The following NEK11 variants were observed in gnomAD, a reference collection of about 807,000 sequenced individuals.
NEK11 encodes serine/threonine-protein kinase Nek11.
Under a neutral mutation model 80.7 loss-of-function variants are expected in NEK11, and 72 were observed. The observed-to-expected ratio is 0.89, with a 90% confidence interval of 0.74 to 1.08. The LOEUF (loss-of-function observed/expected upper bound fraction) is 1.08, where lower values mean the gene tolerates loss of function less well. NEK11 is among the 50% of genes least tolerant of loss of function. The probability of loss-of-function intolerance (pLI) is 0.00; values close to 1 mark genes in which losing one functional copy is unlikely to be tolerated. For synonymous variants in NEK11, 251 were observed against 260.7 expected, an observed-to-expected ratio of 0.96 and a Z score of 0.36; for missense variants, 764 against 763.6, an observed-to-expected ratio of 1.00 and a Z score of -0.01.
intron 3 of NEK11, among the ~76,000 whole-genome samples, chr3:131,049,523 C>G (rs372670129): frequency 8.5e-5 from 13 of 152,100 alleles, no homozygotes; most frequent in East Asian, 7.7e-4. Context: ...TTTGTCATTT[C>G]TTTAATTGGT....
intron 14 of NEK11, among the ~76,000 whole-genome samples, chr3:131,195,675 G>T (rs2093975407): frequency 1.3e-5 from 2 of 151,802 alleles, no homozygotes; most frequent in Non-Finnish European, 2.9e-5. Flanking sequence ...TGTGAAGGTG[G>T]TCCCCGGAGT....
At chr3:131,046,727 G>A (rs6803193) in intron 3 of NEK11, among the ~76,000 whole-genome samples, 26,596 of 152,094 alleles carry the variant, frequency 0.17, 2,425 homozygotes, top group Non-Finnish European at 0.21. Context: ...TCTTAAGATA[G>A]TTTCATTCAT....
Position 131,228,584 on chromosome 3 carries a change from T to C in NEK11, c.1456T>C (p.Tyr486His). ...EEYYADAFDS[Y>H]CEESDEEEEE... ...GTACTACGCTGATGCATTTGATTCC[T>C]ATTGTGAAGAGAGTGATGAGGAGGA... Residue 486 changes from tyrosine to histidine, a missense_variant, in exon 15 of 18, where the codon TAT becomes CAT. Physicochemically the swap from Tyr to His is moderately conservative, Grantham distance 83. Transcript: ENST00000383366. 1 of 1,613,642 alleles carries C rather than the reference T, an allele frequency of 6.2e-7. No homozygotes were observed. Among genetic ancestry groups the C allele is most frequent in the Non-Finnish European group, 8.5e-7 (1 of 1,179,666 alleles).
At chr3:131,144,649 G>GAT (rs2087749369) in intron 7 of NEK11, among the ~76,000 whole-genome samples, 1 of 152,158 alleles carries the variant, frequency 6.6e-6, no homozygotes, top group Non-Finnish European at 1.5e-5. Context: ...GTGGTTCTGA[G>GAT]ATATGGTAGG....
intron 3 of NEK11, among the ~76,000 whole-genome samples, chr3:131,046,307 G>T (rs2067378517): frequency 6.6e-6 from 1 of 152,108 alleles, no homozygotes; most frequent in Non-Finnish European, 1.5e-5. Flanking sequence ...CTTGGTAGTG[G>T]TGAATTCTCT....
intron 5 of NEK11, among the ~76,000 whole-genome samples, chr3:131,122,131 T>C (rs2082490513): frequency 6.6e-6 from 1 of 152,180 alleles, no homozygotes; most frequent in South Asian, 2.1e-4. Flanking sequence ...CTGTTGTGTT[T>C]TTTCCTGAAA....
intron 5 of NEK11, among the ~76,000 whole-genome samples, chr3:131,125,930 T>G (rs2083261084): frequency 6.6e-6 from 1 of 152,216 alleles, no homozygotes; most frequent in African/African-American, 2.4e-5. Context: ...CATATAGAAC[T>G]GTAGACTCTA....
At chr3:131,034,751 A>G (rs992539694) in intron 3 of NEK11, among the ~76,000 whole-genome samples, 11 of 152,338 alleles carry the variant, frequency 7.2e-5, no homozygotes, top group African/African-American at 2.6e-4. Flanking sequence ...GCAGTAGGAG[A>G]TAAGGCCTAG....
chr3:131,290,291 C>T (rs1561395884), intron 17 of NEK11, among the ~76,000 whole-genome samples: 1 of 152,194 alleles, frequency 6.6e-6, no homozygotes, highest in Non-Finnish European at 1.5e-5. Context: ...TGTGCACCTT[C>T]ACCAGTGTCA....
intron 17 of NEK11, among the ~76,000 whole-genome samples, chr3:131,293,122 G>A (rs1196990124): frequency 2.6e-5 from 4 of 152,000 alleles, no homozygotes; most frequent in Non-Finnish European, 5.9e-5. Flanking sequence ...CCAGTACAAT[G>A]TTGAAAAAGT....
chr3:131,231,303 A>G (rs901335124), intron 15 of NEK11, among the ~76,000 whole-genome samples: 13 of 150,200 alleles, frequency 8.7e-5, no homozygotes, highest in Non-Finnish European at 1.6e-4. Flanking sequence ...TTAGTTTCTG[A>G]GAGAGGTGTA....
chr3:131,120,401 T>A (rs2149459266), intron 5 of NEK11, among the ~76,000 whole-genome samples: 1 of 152,332 alleles, frequency 6.6e-6, no homozygotes, highest in Admixed American at 6.5e-5. Context: ...TCACTCTGGC[T>A]GCGCTTAACA....
intron 3 of NEK11, among the ~76,000 whole-genome samples, chr3:131,057,784 A>G (rs972625041): frequency 1.3e-5 from 2 of 151,370 alleles, no homozygotes; most frequent in African/African-American, 4.8e-5. Flanking sequence ...GATTCTGGAT[A>G]TTAGCCCTTT....
At chr3:131,260,475 C>A (rs996206780) in intron 16 of NEK11, among the ~76,000 whole-genome samples, 1 of 152,158 alleles carries the variant, frequency 6.6e-6, no homozygotes, top group African/African-American at 2.4e-5. Flanking sequence ...CATTCCAAAT[C>A]TGTCTCACTG....
intron 14 of NEK11, among the ~76,000 whole-genome samples, chr3:131,175,698 G>A (rs2092968689): frequency 2.0e-5 from 3 of 152,002 alleles, no homozygotes; most frequent in African/African-American, 7.2e-5. Flanking sequence ...ACCCAGATGT[G>A]TAAATTTGTC....
At chr3:131,228,818 G>A in intron 15 of NEK11, 130 bp downstream of exon 15, 1 of 896,298 alleles carries the variant, frequency 1.1e-6, no homozygotes, top group Non-Finnish European at 1.6e-6. Context: ...ATAGCTACTT[G>A]TGGTAAGTCT....
At chr3:131,125,170 A>T (rs2083097812) in intron 5 of NEK11, among the ~76,000 whole-genome samples, 1 of 152,168 alleles carries the variant, frequency 6.6e-6, no homozygotes, top group Non-Finnish European at 1.5e-5. Flanking sequence ...TCTTCACTTT[A>T]TATGCTGATT....
rs561199984 is a variant in NEK11 at position 131,042,909 on chromosome 3, G to A, written c.170+13031G>A. Among the ~76,000 whole-genome samples the A allele has an allele frequency of 4.6e-5, 7 of 152,312 alleles. No homozygotes were observed. The South Asian group carries it at 8.3e-4, about 18-fold the overall frequency. Reference sequence around the variant, plus strand: ...GCCACTCTGGGATGAGGCTTCCAGAGGAAGGAACAGGCAGCAATCTTTGCT... The same window carrying A: ...GCCACTCTGGGATGAGGCTTCCAGAAGAAGGAACAGGCAGCAATCTTTGCT... On this transcript the variant is annotated intron_variant, in intron 3 of 17. Transcript: ENST00000383366.
chr3:131,045,765 G>T (rs937162005), intron 3 of NEK11, among the ~76,000 whole-genome samples: 1 of 152,086 alleles, frequency 6.6e-6, no homozygotes, highest in African/African-American at 2.4e-5. Flanking sequence ...AGTAGTAATT[G>T]TTTTGTAAAT....
Sources: allele counts gnomAD v4.1 joint callset (sites outside exome capture counted in the v4.1 genomes callset), GRCh38; gene constraint gnomAD v4.1.1; transcripts MANE v1.5; gene names NCBI Gene and HGNC (gene_info 2026-07-23, HGNC 2026-07-21).